EBF1: variants seen among roughly 807,000 people sequenced by gnomAD.
EBF1 encodes transcription factor COE1.
A neutral mutation model predicts 68.4 loss-of-function variants in EBF1; 10 were observed. That is an observed-to-expected ratio of 0.15 (90% CI 0.09 to 0.25). The LOEUF (loss-of-function observed/expected upper bound fraction) is 0.25, where lower values mean the gene tolerates loss of function less well. EBF1 is among the 10% of genes least tolerant of loss of function. The probability of loss-of-function intolerance (pLI) is 1.00; values close to 1 mark genes in which losing one functional copy is unlikely to be tolerated. For missense variants in EBF1, 509 were observed against 794.4 expected (o/e 0.64, Z 4.32); for synonymous variants, 298 against 299.8 (o/e 0.99, Z 0.06).
intron 6 of EBF1, among the ~76,000 whole-genome samples, chr5:158,981,022 G>A (rs1757786850): frequency 1.3e-5 from 2 of 152,070 alleles, no homozygotes; most frequent in Non-Finnish European, 2.9e-5. Context: ...CAAATCTTGA[G>A]GAACATAAAA....
intron 6 of EBF1, among the ~76,000 whole-genome samples, chr5:159,024,977 A>G (rs1022154911): frequency 1.4e-4 from 22 of 152,318 alleles, no homozygotes; most frequent in African/African-American, 5.3e-4. Context: ...GCACAACAGC[A>G]AGTGTCTATG....
chr5:158,990,111 T>C (rs1235958532), intron 6 of EBF1, among the ~76,000 whole-genome samples: 1 of 151,890 alleles, frequency 6.6e-6, no homozygotes. Flanking sequence ...AGGGTGAAAA[T>C]GATTCTAGAC....
intron 10 of EBF1, among the ~76,000 whole-genome samples, chr5:158,749,712 C>A (rs1217518623): frequency 6.6e-6 from 1 of 152,124 alleles, no homozygotes; most frequent in Non-Finnish European, 1.5e-5. Flanking sequence ...TGAATATACA[C>A]TGAATAATAG....
chr5:158,712,084 G>A, intron 14 of EBF1, 70 bp downstream of exon 14: 2 of 1,570,250 alleles, frequency 1.3e-6, no homozygotes, highest in East Asian at 4.6e-5. Flanking sequence ...CTGCCCACTG[G>A]GCCACATGGC....
chr5:159,092,595 G>A (rs1781850250), intron 4 of EBF1, among the ~76,000 whole-genome samples: 1 of 152,132 alleles, frequency 6.6e-6, no homozygotes, highest in Admixed American at 6.5e-5. Flanking sequence ...TCCCACCCAA[G>A]ATCAAGAACA....
At chr5:158,886,726 C>T (rs938219584) in intron 6 of EBF1, among the ~76,000 whole-genome samples, 6 of 152,192 alleles carry the variant, frequency 3.9e-5, no homozygotes, top group African/African-American at 1.2e-4. Context: ...CAAAAGGAGA[C>T]TTAGGCTGGG....
intron 6 of EBF1, among the ~76,000 whole-genome samples, chr5:158,893,151 TTTCA>T (rs1224504877): frequency 6.6e-6 from 1 of 152,212 alleles, no homozygotes; most frequent in Non-Finnish European, 1.5e-5. Context: ...ATAAAAATGT[TTTCA>T]TTGTTACATT....
chr5:159,019,543 A>G lies in EBF1; in HGVS notation c.554+53853T>C, dbSNP rs190107037. On this transcript the variant is annotated intron_variant, in intron 6 of 15. Transcript: ENST00000313708. ...TGAGGTGTTTCTATAGCAACTATAAAAATGCTAAATTATTTTTTCTCCAAA... is the reference window on the plus strand; with the variant it reads ...TGAGGTGTTTCTATAGCAACTATAAGAATGCTAAATTATTTTTTCTCCAAA... Among the ~76,000 whole-genome samples, 17 of 152,354 alleles carry G rather than the reference A, an allele frequency of 1.1e-4. No individual in the cohort carries two copies. In the East Asian group the frequency reaches 3.1e-3, roughly 28 times the overall value.
At chr5:159,069,413 G>T (rs1777425677) in intron 6 of EBF1, among the ~76,000 whole-genome samples, 1 of 152,044 alleles carries the variant, frequency 6.6e-6, no homozygotes, top group Non-Finnish European at 1.5e-5. Flanking sequence ...AGAAACTTCA[G>T]GAGTCTGTGT....
rs143037680 is a variant in EBF1, at chr5:158,903,502, C to G, written c.555-63392G>C. On this transcript the variant is annotated intron_variant, in intron 6 of 15. Transcript: ENST00000313708. Reference sequence around the variant, plus strand: ...ACCAGCAGTGGGGTGCCCTCATGCTCTGTCCTCCTGTCAAGAGCCTGGCAG... The same window carrying G: ...ACCAGCAGTGGGGTGCCCTCATGCTGTGTCCTCCTGTCAAGAGCCTGGCAG... 4.6e-3 allele frequency among the ~76,000 whole-genome samples: 697 copies of G among 152,224 alleles called. 4 individuals are homozygous for G. Among genetic ancestry groups the G allele is most frequent in the African/African-American group, 0.015 (643 of 41,534 alleles).
intron 8 of EBF1, among the ~76,000 whole-genome samples, chr5:158,811,190 T>A: frequency 6.6e-6 from 1 of 152,210 alleles, no homozygotes; most frequent in Non-Finnish European, 1.5e-5. Flanking sequence ...ACCAGGACTT[T>A]TTATCTTAAC....
intron 5 of EBF1, among the ~76,000 whole-genome samples, chr5:159,083,628 C>T (rs1016919721): frequency 1.3e-4 from 20 of 152,050 alleles, no homozygotes; most frequent in East Asian, 1.9e-4. Flanking sequence ...TTTTTCTTTC[C>T]ACCTGTAGAG....
chr5:158,786,789 T>C (rs1340713423), intron 9 of EBF1, among the ~76,000 whole-genome samples: 1 of 152,124 alleles, frequency 6.6e-6, no homozygotes, highest in Non-Finnish European at 1.5e-5. Flanking sequence ...GTTATCAACA[T>C]TGGCAATTCA....
chr5:159,033,184 A>C (rs959043084), intron 6 of EBF1, among the ~76,000 whole-genome samples: 1 of 152,222 alleles, frequency 6.6e-6, no homozygotes, highest in African/African-American at 2.4e-5. Context: ...TGCTTTAGGA[A>C]GTTCTGCACA....
chr5:158,988,772 G>A (rs1163913036), intron 6 of EBF1, among the ~76,000 whole-genome samples: 1 of 152,184 alleles, frequency 6.6e-6, no homozygotes, highest in Non-Finnish European at 1.5e-5. Flanking sequence ...TGATGCGAAG[G>A]AGAGATAACT....
intron 9 of EBF1, among the ~76,000 whole-genome samples, chr5:158,782,633 C>T (rs1048569556): frequency 6.6e-6 from 1 of 151,976 alleles, no homozygotes; most frequent in African/African-American, 2.4e-5. Flanking sequence ...TGCTGTCCAG[C>T]CTGGGCAACA....
chr5:158,966,535 T>C (rs1219802512), intron 6 of EBF1, among the ~76,000 whole-genome samples: 1 of 151,988 alleles, frequency 6.6e-6, no homozygotes, highest in African/African-American at 2.4e-5. Flanking sequence ...CAGAGAGAAA[T>C]ATCAATAAAC....
intron 10 of EBF1, among the ~76,000 whole-genome samples, chr5:158,767,767 G>A (rs1199860000): frequency 6.6e-6 from 1 of 152,136 alleles, no homozygotes; most frequent in East Asian, 1.9e-4. Flanking sequence ...GCCCACTGAA[G>A]TGGGAAACCA....
chr5:158,922,846 T>C (rs1360240475), intron 6 of EBF1, among the ~76,000 whole-genome samples: 1 of 152,240 alleles, frequency 6.6e-6, no homozygotes, highest in African/African-American at 2.4e-5. Flanking sequence ...ATCATTTATT[T>C]TATTTTACTC....
Sources: gnomAD v4.1 joint callset for allele counts (sites outside exome capture counted in the v4.1 genomes callset) on GRCh38, gnomAD v4.1.1 for gene constraint, MANE v1.5 for transcripts, NCBI Gene and HGNC (gene_info 2026-07-23, HGNC 2026-07-21) for gene names.